RAD51B: variants seen among roughly 807,000 people sequenced by gnomAD.
The protein encoded by RAD51B is RAD51 paralog B.
Under a neutral mutation model 42.2 loss-of-function variants are expected in RAD51B, and 38 were observed. That is an observed-to-expected ratio of 0.90 (90% CI 0.70 to 1.18). The LOEUF is 1.18. Among genes scored for constraint, RAD51B ranks in the 50% most tolerant of loss-of-function variants. The pLI, the probability that RAD51B is intolerant of heterozygous loss-of-function variation, is 0.00. For missense variants in RAD51B, 373 were observed against 400.7 expected, an observed-to-expected ratio of 0.93 and a Z score of 0.59; for synonymous variants, 154 against 145.2, an observed-to-expected ratio of 1.06 and a Z score of -0.43.
intron 7 of RAD51B, among the ~76,000 whole-genome samples, chr14:67,987,059 G>C (rs1367231411): frequency 6.6e-6 from 1 of 151,808 alleles, no homozygotes; most frequent in Non-Finnish European, 1.5e-5. Flanking sequence ...TATTTTTGTG[G>C]GTACATAGTC....
At chr14:67,958,525 A>G (rs909239155) in intron 7 of RAD51B, among the ~76,000 whole-genome samples, 2 of 152,254 alleles carry the variant, frequency 1.3e-5, no homozygotes, top group South Asian at 2.1e-4. Context: ...GTGCTTGTCA[A>G]ATAAACTTGG....
chr14:68,589,112 C>A (rs913281880), intron 10 of RAD51B, among the ~76,000 whole-genome samples: 4 of 152,180 alleles, frequency 2.6e-5, no homozygotes, highest in Admixed American at 6.5e-5. Context: ...CCATGCATGT[C>A]TCCACCCATT....
chr14:68,303,621 G>A (rs1169329480), intron 8 of RAD51B, among the ~76,000 whole-genome samples: 1 of 152,124 alleles, frequency 6.6e-6, no homozygotes, highest in East Asian at 1.9e-4. Context: ...TTTGGGGTGG[G>A]GTTAGCCCTA....
intron 7 of RAD51B, among the ~76,000 whole-genome samples, chr14:68,143,723 C>T (rs996390673): frequency 3.9e-5 from 6 of 152,222 alleles, no homozygotes; most frequent in African/African-American, 1.2e-4. Context: ...TATACTCTGC[C>T]TGTTGCTTTC....
At chr14:68,667,041 G>A (rs1173452431) in intron 11 of RAD51B, among the ~76,000 whole-genome samples, 4 of 152,172 alleles carry the variant, frequency 2.6e-5, no homozygotes, top group African/African-American at 4.8e-5. Context: ...TGAGATGCAG[G>A]GGTTTATTTG....
intron 7 of RAD51B, among the ~76,000 whole-genome samples, chr14:68,028,524 T>C (rs1023145528): frequency 1.3e-5 from 2 of 152,226 alleles, no homozygotes; most frequent in African/African-American, 2.4e-5. Context: ...TAACTCGACT[T>C]GGCACTCCCG....
At chr14:68,572,224 G>A (rs1280864475) in intron 10 of RAD51B, among the ~76,000 whole-genome samples, 1 of 152,218 alleles carries the variant, frequency 6.6e-6, no homozygotes, top group Non-Finnish European at 1.5e-5. Flanking sequence ...AGTGGGTTCC[G>A]CTAAGTGTCT....
At chr14:68,516,446 T>C (rs1886161933) in intron 10 of RAD51B, among the ~76,000 whole-genome samples, 1 of 152,256 alleles carries the variant, frequency 6.6e-6, no homozygotes, top group South Asian at 2.1e-4. Context: ...TCATATCGGC[T>C]TCTGCATTCA....
At chr14:68,048,830 C>T (rs1566605295) in intron 7 of RAD51B, among the ~76,000 whole-genome samples, 1 of 152,154 alleles carries the variant, frequency 6.6e-6, no homozygotes, top group Non-Finnish European at 1.5e-5. Flanking sequence ...ACTAGAAATA[C>T]CATTTGACCC....
intron 8 of RAD51B, among the ~76,000 whole-genome samples, chr14:68,371,089 T>C (rs952191819): frequency 5.3e-5 from 8 of 150,006 alleles, no homozygotes; most frequent in Non-Finnish European, 7.4e-5. Flanking sequence ...AAAAAAGAAT[T>C]ATCTGTGTAT....
chr14:68,267,949 T>C lies in RAD51B; in HGVS notation c.757-23935T>C, dbSNP rs1402737597. On this transcript the variant is annotated intron_variant, in intron 7 of 10. Transcript: ENST00000471583. The stretch of plus-strand genomic sequence containing the variant: ...AAAACCAAACTTTTCAGATGTCAAA[T>C]AATGTGCTGCAGACTTCCATGCAGT... Among the ~76,000 whole-genome samples, 2 of 152,240 alleles carry C rather than the reference T, an allele frequency of 1.3e-5. 1 individual carries two copies. Among genetic ancestry groups the C allele is most frequent in the Non-Finnish European group, 2.9e-5 (2 of 68,038 alleles).
intron 7 of RAD51B, among the ~76,000 whole-genome samples, chr14:68,143,097 G>A (rs1186153632): frequency 6.6e-6 from 1 of 152,134 alleles, no homozygotes. Flanking sequence ...TGACTGGCTG[G>A]ATGGGGATGA....
At chr14:67,856,801 C>T (rs534916833) in intron 4 of RAD51B, among the ~76,000 whole-genome samples, 1 of 151,668 alleles carries the variant, frequency 6.6e-6, no homozygotes, top group East Asian at 1.9e-4. Context: ...CAATTATTAA[C>T]ATTTTCTTCC....
intron 4 of RAD51B, among the ~76,000 whole-genome samples, chr14:67,853,768 C>T (rs1446737993): frequency 6.6e-6 from 1 of 152,142 alleles, no homozygotes; most frequent in Admixed American, 6.5e-5. Flanking sequence ...TTTCTCTTTC[C>T]TGACTTTAAC....
intron 7 of RAD51B, among the ~76,000 whole-genome samples, chr14:67,996,699 G>A (rs2075391322): frequency 1.3e-5 from 2 of 152,264 alleles, no homozygotes; most frequent in South Asian, 4.1e-4. Context: ...GGTTTTGTGA[G>A]GCACTGAATG....
chr14:68,434,050 G>A (rs2085083606), intron 9 of RAD51B, among the ~76,000 whole-genome samples: 1 of 152,226 alleles, frequency 6.6e-6, no homozygotes, highest in Non-Finnish European at 1.5e-5. Context: ...GGAGGCTGCA[G>A]AACACTGAAT....
chr14:68,541,224 C>T, intron 10 of RAD51B: 2 of 985,434 alleles, frequency 2.0e-6, no homozygotes, highest in Non-Finnish European at 2.4e-6. Context: ...GTTCGGGCTC[C>T]TCTTTTCTTG....
chr14:68,422,260 T>C (rs1288874807), intron 9 of RAD51B: 26 of 785,006 alleles, frequency 3.3e-5, no homozygotes, highest in Non-Finnish European at 4.3e-5. Flanking sequence ...CTTAATAGCT[T>C]ATAAAATTAG....
At chr14:68,111,231 C>T (rs2077454509) in intron 7 of RAD51B, among the ~76,000 whole-genome samples, 2 of 151,878 alleles carry the variant, frequency 1.3e-5, no homozygotes, top group African/African-American at 4.8e-5. Flanking sequence ...TTATTGTCGC[C>T]AGGAAACTAG....
Sources: allele counts gnomAD v4.1 joint callset (sites outside exome capture counted in the v4.1 genomes callset), GRCh38; gene constraint gnomAD v4.1.1; transcripts MANE v1.5; gene names NCBI Gene and HGNC (gene_info 2026-07-23, HGNC 2026-07-21).